ASB15: variants seen among roughly 807,000 people sequenced by gnomAD.
The protein encoded by ASB15 is ankyrin repeat and SOCS box containing 15, also known as ankyrin repeat and SOCS box protein 15.
In ASB15, 54 loss-of-function variants were observed where a neutral mutation model predicts 58.0. The observed-to-expected ratio is 0.93, with a 90% CI of 0.75 to 1.17. The LOEUF (loss-of-function observed/expected upper bound fraction) is 1.17, where lower values mean the gene tolerates loss of function less well. ASB15 is among the 50% of genes most tolerant of loss of function. The probability of loss-of-function intolerance (pLI) is 0.00; values close to 1 mark genes in which losing one functional copy is unlikely to be tolerated. For synonymous variants in ASB15, 249 were observed against 262.4 expected (o/e 0.95, Z 0.50); for missense variants, 680 against 707.4 (o/e 0.96, Z 0.44).
At chr7:123,622,233 C>A (rs2109727) in intron 7 of ASB15, among the ~76,000 whole-genome samples, 14 of 151,560 alleles carry the variant, frequency 9.2e-5, no homozygotes, top group Admixed American at 9.2e-4. Context: ...TGAAAAAATT[C>A]TAAAGAATTC....
intron 11 of ASB15, among the ~76,000 whole-genome samples, chr7:123,632,889 G>GA (rs1054050936): frequency 6.6e-6 from 1 of 152,018 alleles, no homozygotes; most frequent in Non-Finnish European, 1.5e-5. Context: ...ACTTATAAGA[G>GA]AAAAAAATAG....
At chr7:123,580,288 C>T (rs552668449) in intron 1 of ASB15, among the ~76,000 whole-genome samples, 3 of 151,970 alleles carry the variant, frequency 2.0e-5, no homozygotes, top group African/African-American at 4.8e-5. Flanking sequence ...CATGGCAGGC[C>T]GTTCTCTGTT....
chr7:123,636,297 T>C (rs888184774), intron 11 of ASB15, among the ~76,000 whole-genome samples: 6 of 152,162 alleles, frequency 3.9e-5, no homozygotes, highest in Non-Finnish European at 7.3e-5. Flanking sequence ...ATTTAAATAA[T>C]GTTAGTATAT....
At chr7:123,622,332 T>A (rs962101185) in intron 7 of ASB15, among the ~76,000 whole-genome samples, 1 of 152,108 alleles carries the variant, frequency 6.6e-6, no homozygotes, top group African/African-American at 2.4e-5. Flanking sequence ...AAGACATTTT[T>A]AAATTATTTT....
intron 1 of ASB15, among the ~76,000 whole-genome samples, chr7:123,580,771 C>G (rs1338274493): frequency 1.3e-5 from 2 of 151,898 alleles, no homozygotes; most frequent in Non-Finnish European, 2.9e-5. Flanking sequence ...TACCTGGAAG[C>G]CCTGAGATAA....
At chr7:123,611,621 C>T (rs1198243783) in intron 3 of ASB15, among the ~76,000 whole-genome samples, 1 of 152,158 alleles carries the variant, frequency 6.6e-6, no homozygotes, top group East Asian at 1.9e-4. Flanking sequence ...TGAGATAGCA[C>T]AGGCTCCATA....
At chr7:123,635,652 T>TAAGAATAAG (rs947297700) in intron 11 of ASB15, among the ~76,000 whole-genome samples, 6 of 135,414 alleles carry the variant, frequency 4.4e-5, no homozygotes, top group African/African-American at 1.6e-4. Flanking sequence ...ACAATCCAAG[T>TAAGAATAAG]AAGAATAAGG....
intron 1 of ASB15, among the ~76,000 whole-genome samples, chr7:123,593,773 C>T (rs1446035729): frequency 6.6e-6 from 1 of 152,026 alleles, no homozygotes; most frequent in Admixed American, 6.6e-5. Context: ...TTGCTCTTCT[C>T]GAGGAATAGC....
At chr7:123,590,275 C>T (rs186117145) in intron 1 of ASB15, among the ~76,000 whole-genome samples, 4 of 151,804 alleles carry the variant, frequency 2.6e-5, no homozygotes, top group Admixed American at 6.6e-5. Flanking sequence ...GTAGGTTGCC[C>T]ATTCACTCTG....
intron 3 of ASB15, among the ~76,000 whole-genome samples, chr7:123,609,529 T>G (rs1207871461): frequency 6.6e-6 from 1 of 152,220 alleles, no homozygotes; most frequent in Admixed American, 6.5e-5. Context: ...AACTGTCCAC[T>G]CTGCTTAGTC....
At chr7:123,636,758 C>A in intron 11 of ASB15, 51 bp from the exon 12 acceptor site, 1 of 1,458,142 alleles carries the variant, frequency 6.9e-7, no homozygotes, top group South Asian at 1.2e-5. Context: ...ATCTTAGGGG[C>A]CAATCCACTA....
chr7:123,575,881 A>T (rs1799050767), intron 1 of ASB15, among the ~76,000 whole-genome samples: 1 of 138,956 alleles, frequency 7.2e-6, no homozygotes, highest in Admixed American at 7.4e-5. Context: ...ATTTTTGGTT[A>T]CTTTTCCCTG....
chr7:123,570,506 G>A (rs2116265654), intron 1 of ASB15, among the ~76,000 whole-genome samples: 1 of 151,874 alleles, frequency 6.6e-6, no homozygotes, highest in Non-Finnish European at 1.5e-5. Context: ...CTTTATTTCT[G>A]GAATGATCTG....
intron 3 of ASB15, among the ~76,000 whole-genome samples, chr7:123,613,543 T>G (rs1800595027): frequency 6.6e-6 from 1 of 152,226 alleles, no homozygotes; most frequent in Non-Finnish European, 1.5e-5. Flanking sequence ...AAATGAAGAC[T>G]AATCTACATT....
At chr7:123,571,484 CCAAT>C (rs1447722429) in intron 1 of ASB15, among the ~76,000 whole-genome samples, 13 of 152,206 alleles carry the variant, frequency 8.5e-5, no homozygotes, top group South Asian at 8.3e-4. Flanking sequence ...CCCAGGAAGG[CCAAT>C]CAAACAATTT....
At chr7:123,614,239 G>GAA (rs553174740) in intron 3 of ASB15, 17,886 of 300,820 alleles carry the variant, frequency 0.059, 477 homozygotes, top group African/African-American at 0.093. Context: ...AGTCATTACT[G>GAA]AAAAAAAAAA....
chr7:123,614,498 C>T lies in ASB15; in HGVS notation c.-2-3C>T. 6.5e-7 allele frequency: 1 copy of T among 1,549,474 alleles called. No homozygotes were observed. The highest frequency in any genetic ancestry group is 8.9e-7 in the Non-Finnish European group (1 of 1,123,628). On this transcript the variant is annotated splice_polypyrimidine_tract_variant and splice_region_variant and intron_variant, in intron 3 of 11. Transcript: ENST00000451215. ...AACTTGTCTCGTTCAAAATTATATG[C>T]AGGAATGGATACTAATGATGACCCT...
intron 7 of ASB15, among the ~76,000 whole-genome samples, chr7:123,624,177 A>G (rs1801610951): frequency 6.6e-6 from 1 of 152,144 alleles, no homozygotes; most frequent in Non-Finnish European, 1.5e-5. Context: ...AGCTCCTGTT[A>G]TGTACTAGGT....
intron 1 of ASB15, among the ~76,000 whole-genome samples, chr7:123,585,553 ATTGT>A (rs1799352422): frequency 1.3e-5 from 2 of 151,692 alleles, no homozygotes; most frequent in East Asian, 1.9e-4. Flanking sequence ...CTGCAATGTG[ATTGT>A]TTGATATATT....
Sources: gnomAD v4.1 joint callset for allele counts (sites outside exome capture counted in the v4.1 genomes callset) on GRCh38, gnomAD v4.1.1 for gene constraint, MANE v1.5 for transcripts, NCBI Gene and HGNC (gene_info 2026-07-23, HGNC 2026-07-21) for gene names.